The following BAG3 variants were observed in gnomAD, a reference collection of about 807,000 sequenced individuals.
The protein encoded by BAG3 is BAG family molecular chaperone regulator 3.
A neutral mutation model predicts 40.5 loss-of-function variants in BAG3; 14 were observed. The ratio of observed to expected loss-of-function variants is 0.35; its 90% CI spans 0.23 to 0.54. The LOEUF (loss-of-function observed/expected upper bound fraction) is 0.54, where lower values mean the gene tolerates loss of function less well. Among genes scored for constraint, BAG3 ranks in the 20% least tolerant of loss-of-function variants. BAG3 has a pLI of 0.91. For missense variants in BAG3, 788 were observed against 758.6 expected (o/e 1.04, Z -0.46); for synonymous variants, 302 against 307.8 (o/e 0.98, Z 0.20).
Position 119,652,008 on chromosome 10 carries a change from A to G in BAG3, c.180+153A>G, listed in dbSNP as rs1482423538. Among the ~76,000 whole-genome samples the G allele has an allele frequency of 4.0e-5, 6 of 151,380 alleles. No homozygotes were observed. The South Asian group carries it at 1.2e-3, about 31-fold the overall frequency. On this transcript the variant is annotated intron_variant, in intron 1 of 3. Coordinates refer to ENST00000369085, the MANE Select transcript of BAG3 (RefSeq NM_004281.4). ...ACACCGGCTCCGCGCCCCGCCACAC[A>G]CTCCCGCTGCGCCCGGACGAGTCCC...
intron 3 of BAG3, among the ~76,000 whole-genome samples, chr10:119,675,392 C>G (rs1847204384): frequency 6.6e-6 from 1 of 152,160 alleles, no homozygotes; most frequent in Non-Finnish European, 1.5e-5. Flanking sequence ...ACCTGTGCAG[C>G]CAGAGGTTAG....
chr10:119,654,442 C>A (rs905432520), intron 1 of BAG3, among the ~76,000 whole-genome samples: 1 of 152,216 alleles, frequency 6.6e-6, no homozygotes, highest in Non-Finnish European at 1.5e-5. Context: ...AAAGAAAAGA[C>A]TAGACCTTTG....
intron 2 of BAG3, 84 bp downstream of exon 2, chr10:119,670,261 C>T: frequency 7.0e-7 from 1 of 1,427,432 alleles, no homozygotes; most frequent in Non-Finnish European, 9.3e-7. Flanking sequence ...AGGACAGTGC[C>T]CTGGGCCAGG....
intron 1 of BAG3, among the ~76,000 whole-genome samples, chr10:119,658,309 CATCCCAGCG>C (rs1846942602): frequency 6.6e-6 from 1 of 152,254 alleles, no homozygotes; most frequent in African/African-American, 2.4e-5. Flanking sequence ...AGACCCCCAG[CATCCCAGCG>C]GGGTTAGCAC....
chr10:119,662,810 C>T (rs1293447227), intron 1 of BAG3, among the ~76,000 whole-genome samples: 2 of 151,998 alleles, frequency 1.3e-5, no homozygotes, highest in African/African-American at 2.4e-5. Context: ...GTCAGGAGAT[C>T]GAGACCATCC....
intron 1 of BAG3, among the ~76,000 whole-genome samples, chr10:119,655,090 T>C (rs774606238): frequency 3.3e-5 from 5 of 152,228 alleles, no homozygotes; most frequent in Admixed American, 6.5e-5. Flanking sequence ...GGATGGCCAG[T>C]GATCCCATTT....
Position 119,651,695 on chromosome 10 carries a change from C to G in BAG3, c.20C>G (p.Ser7Trp). ...CCCAGCATGAGCGCCGCCACCCACT[C>G]GCCCATGATGCAGGTGGCGTCCGGC... The part of the protein sequence containing the change: MSAATH[S>W]PMMQVASGNG... Residue 7 changes from serine (S) to tryptophan (W), a missense_variant, in exon 1 of 4, where the codon TCG becomes TGG. Ser to Trp is a radical substitution (Grantham distance 177). Coordinates refer to ENST00000369085, the MANE Select transcript of BAG3 (RefSeq NM_004281.4). 6.3e-7 allele frequency: 1 copy of G among 1,586,278 alleles called. No homozygotes were observed. Among genetic ancestry groups the G allele is most frequent in the East Asian group, 2.4e-5 (1 of 41,668 alleles).
chr10:119,665,192 A>C (rs1847048167), intron 1 of BAG3, among the ~76,000 whole-genome samples: 2 of 137,772 alleles, frequency 1.5e-5, no homozygotes, highest in African/African-American at 5.6e-5. Flanking sequence ...GCTGGAGTGC[A>C]GTGGTGCGAT....
chr10:119,663,927 C>T (rs1847025432), intron 1 of BAG3, among the ~76,000 whole-genome samples: 1 of 152,096 alleles, frequency 6.6e-6, no homozygotes, highest in African/African-American at 2.4e-5. Flanking sequence ...CTGGGTGCTT[C>T]GATACCCCAA....
In BAG3 at chr10:119,657,006, C is replaced by T. The variant is rs535228152; in HGVS notation, c.180+5151C>T. ...GGGTGACAGACAGACTTGCCTTTAG[C>T]GGGCCTGGCTGCTTTATACTCCCCA... On this transcript the variant is annotated intron_variant, in intron 1 of 3. Transcript: ENST00000369085. Among the ~76,000 whole-genome samples the T allele has an allele frequency of 5.9e-5, 9 of 152,258 alleles. No homozygotes were observed. In the East Asian group the frequency reaches 7.7e-4, roughly 13 times the overall value.
chr10:119,670,616 A>G (rs1030543038), intron 2 of BAG3, among the ~76,000 whole-genome samples: 2 of 152,196 alleles, frequency 1.3e-5, no homozygotes, highest in Non-Finnish European at 1.5e-5. Context: ...ATGCTTATGG[A>G]TAAATCTTAA....
At chr10:119,670,590 T>G (rs1847137306) in intron 2 of BAG3, among the ~76,000 whole-genome samples, 1 of 152,206 alleles carries the variant, frequency 6.6e-6, no homozygotes, top group Non-Finnish European at 1.5e-5. Flanking sequence ...AGCTGTGCAT[T>G]ATTTTGTTCA....
intron 1 of BAG3, among the ~76,000 whole-genome samples, chr10:119,665,143 T>TTTTTTTTCC (rs1564771840): frequency 3.5e-5 from 4 of 113,782 alleles, no homozygotes; most frequent in East Asian, 4.5e-4. Flanking sequence ...TATATATATA[T>TTTTTTTTCC]ATTTTTTTTT....
rs1325578092 is a variant in BAG3 at position 119,677,371 on chromosome 10, GT to G, written c.*94del. The G allele has an allele frequency of 1.4e-5, 22 of 1,533,568 alleles. No homozygotes were observed. In the East Asian group the frequency reaches 5.1e-4, roughly 36 times the overall value. The allele number at this position is 1,533,568 out of a possible 1,614,324, so 95.0% of individuals were successfully genotyped here. ...CATTTCAGAGACTTTAAGTCAGTTG[GT>G]TTTTATTAGCTGCTTGGTATGCAGT... On this transcript the variant is annotated 3_prime_UTR_variant, in exon 4 of 4. Transcript: ENST00000369085.
At chr10:119,675,706 A>G (rs1424490756) in intron 3 of BAG3, among the ~76,000 whole-genome samples, 2 of 151,594 alleles carry the variant, frequency 1.3e-5, no homozygotes, top group African/African-American at 4.8e-5. Flanking sequence ...GCTCTGAGTC[A>G]GCCTAGTTCA....
chr10:119,672,115 T>G lies in BAG3; in HGVS notation c.508-140T>G. On this transcript the variant is annotated intron_variant, in intron 2 of 3. Transcript: ENST00000369085. This position sits in a 1 kb window ranked among gnomAD's most constrained non-coding sequence, Gnocchi z 4.8. ...CAGAGCTCTCAGTCTTAACCGCACA[T>G]TTTGAAAATTGAAAATTACAGATAG... 1 of 1,235,344 alleles carries G rather than the reference T, an allele frequency of 8.1e-7. No homozygotes were observed. 76.5% of individuals were successfully genotyped at this position (1,235,344 alleles called of 1,614,324 possible).
Position 119,672,686 on chromosome 10 carries a change from T to C in BAG3, c.909+30T>C, listed in dbSNP as rs781395340. 1 of 1,608,032 alleles carries C rather than the reference T, an allele frequency of 6.2e-7. No individual in the cohort carries two copies. The highest frequency in any genetic ancestry group is 2.2e-5 in the East Asian group (1 of 44,874). ...GGGAAGTTAGTCGTCAGCAGACTGG[T>C]TATGGTGGTATGTCTCCAGGGGTGC... is the stretch of plus-strand genomic sequence containing the variant. On this transcript the variant is annotated intron_variant, in intron 3 of 3. Transcript: ENST00000369085. The surrounding 1 kb of genome is among the most constrained non-coding windows in gnomAD (Gnocchi z 4.8).
intron 1 of BAG3, among the ~76,000 whole-genome samples, chr10:119,659,837 G>A (rs138026920): frequency 6.6e-6 from 1 of 152,310 alleles, no homozygotes; most frequent in Non-Finnish European, 1.5e-5. Flanking sequence ...TAAATTCAGA[G>A]TTTGCTTCCT....
At position 119,672,988 on chromosome 10, in the gene BAG3, A is replaced by G. The variant is rs1393930154; in HGVS notation, c.909+332A>G. ...CCCTTTCAGGGCTCTTCACACCCCC[A>G]TCCACACCGCAGCCACAGCCTCACC... On this transcript the variant is annotated intron_variant, in intron 3 of 3. Coordinates refer to ENST00000369085, the MANE Select transcript of BAG3 (RefSeq NM_004281.4). The surrounding 1 kb of genome is among the most constrained non-coding windows in gnomAD (Gnocchi z 4.8). 6.6e-6 allele frequency among the ~76,000 whole-genome samples: 1 copy of G among 151,950 alleles called. No individual in the cohort carries two copies. Among genetic ancestry groups the G allele is most frequent in the African/African-American group, 2.4e-5 (1 of 41,354 alleles).
Sources: allele counts gnomAD v4.1 joint callset (sites outside exome capture counted in the v4.1 genomes callset), GRCh38; gene constraint gnomAD v4.1.1; non-coding constraint Gnocchi (gnomAD v3.1); transcripts MANE v1.5; gene names NCBI Gene and HGNC (gene_info 2026-07-23, HGNC 2026-07-21).